Variants in EHMT1 observed in about 807,000 individuals in gnomAD.
EHMT1 encodes the protein euchromatic histone lysine methyltransferase 1.
A neutral mutation model predicts 147.2 loss-of-function variants in EHMT1; 15 were observed. That is an observed-to-expected ratio of 0.10 (90% CI 0.07 to 0.16). The LOEUF (loss-of-function observed/expected upper bound fraction) is 0.16, where lower values mean the gene tolerates loss of function less well. Ranked by LOEUF, EHMT1 falls within the 10% of genes least tolerant of loss-of-function variation. The pLI, the probability that EHMT1 is intolerant of heterozygous loss-of-function variation, is 1.00. For missense variants in EHMT1, 1,587 were observed against 1,772.4 expected, an observed-to-expected ratio of 0.90 and a Z score of 1.88; for synonymous variants, 795 against 709.6, an observed-to-expected ratio of 1.12 and a Z score of -1.91.
intron 1 of EHMT1, among the ~76,000 whole-genome samples, chr9:137,656,601 G>T (rs1938474531): frequency 6.6e-6 from 1 of 152,140 alleles, no homozygotes; most frequent in South Asian, 2.1e-4. Context: ...CTGGGCCTGT[G>T]CTGTGGACTG....
chr9:137,735,305 T>C (rs1947437253), intron 4 of EHMT1, among the ~76,000 whole-genome samples: 1 of 152,220 alleles, frequency 6.6e-6, no homozygotes, highest in Non-Finnish European at 1.5e-5. Flanking sequence ...GTTACTGAAG[T>C]TAAGCTGGCA....
intron 2 of EHMT1, among the ~76,000 whole-genome samples, chr9:137,713,304 C>T (rs947704493): frequency 3.5e-4 from 47 of 133,122 alleles, no homozygotes; most frequent in African/African-American, 1.2e-3. Flanking sequence ...GAGTCTTGCT[C>T]TGTCACCCGG....
In EHMT1 at chr9:137,824,088, C is replaced by CT. The variant is rs112157311; in HGVS notation, c.3540+5959dup. Among the ~76,000 whole-genome samples the CT allele has an allele frequency of 1.2e-4, 18 of 151,512 alleles. No homozygotes were observed. In the South Asian group the frequency reaches 1.5e-3, roughly 12 times the overall value. On this transcript the variant is annotated intron_variant, in intron 25 of 26. Transcript: ENST00000460843. ...ATCCCAGGATTGTGAAGATTTTCTC[C>CT]TTTTTTTTTAGAAGTCTTATGTAAA...
At position 137,835,079 on chromosome 9, in the gene EHMT1, G is replaced by T. The variant is rs1342223807; in HGVS notation, c.*126G>T. ...GGGGCTGCGCCGCCGGCTTCCTGGA[G>T]GGGTCGGAGGTGAGGCTGCAGCCCC... is the stretch of plus-strand genomic sequence containing the variant. On this transcript the variant is annotated 3_prime_UTR_variant, in exon 27 of 27. Coordinates refer to ENST00000460843, the MANE Select transcript of EHMT1 (RefSeq NM_024757.5). The T allele has an allele frequency of 8.6e-7, 1 of 1,160,610 alleles. No individual in the cohort carries two copies. Among genetic ancestry groups the T allele is most frequent in the South Asian group, 2.1e-5 (1 of 48,340 alleles). 71.9% of individuals were successfully genotyped at this position (1,160,610 alleles called of 1,614,324 possible).
intron 1 of EHMT1, among the ~76,000 whole-genome samples, chr9:137,645,721 T>G (rs2133876428): frequency 6.6e-6 from 1 of 152,194 alleles, no homozygotes; most frequent in Admixed American, 6.5e-5. Context: ...CTTGCAGCGC[T>G]GAGTGGAGAG....
chr9:137,674,273 C>T lies in EHMT1; in HGVS notation c.22-36694C>T, dbSNP rs78557839. ...GCCTCCTGAAGGCCAACCTCTCCAT[C>T]GAGCCCTGTTCTGAGACCAAATTCC... On this transcript the variant is annotated intron_variant, in intron 1 of 26. Transcript: ENST00000460843. Among the ~76,000 whole-genome samples, 515 of 152,330 alleles carry T rather than the reference C, an allele frequency of 3.4e-3. 5 individuals carry two copies. Among genetic ancestry groups the T allele is most frequent in the African/African-American group, 0.012 (489 of 41,572 alleles).
At chr9:137,748,130 A>C (rs560019846) in intron 6 of EHMT1, among the ~76,000 whole-genome samples, 12 of 151,934 alleles carry the variant, frequency 7.9e-5, no homozygotes, top group Non-Finnish European at 1.3e-4. Flanking sequence ...GCAGATCAAA[A>C]CTGTTATCAT....
At chr9:137,632,222 T>C (rs914436474) in intron 1 of EHMT1, among the ~76,000 whole-genome samples, 1 of 152,224 alleles carries the variant, frequency 6.6e-6, no homozygotes. Flanking sequence ...GTTCGATGAC[T>C]TTACCATGTA....
intron 4 of EHMT1, among the ~76,000 whole-genome samples, chr9:137,733,815 G>A (rs1392900853): frequency 6.6e-6 from 1 of 152,114 alleles, no homozygotes; most frequent in Admixed American, 6.6e-5. Flanking sequence ...ATATTCAGAA[G>A]CAACTGTGTA....
At chr9:137,823,805 G>T (rs970132587) in intron 25 of EHMT1, among the ~76,000 whole-genome samples, 1 of 152,016 alleles carries the variant, frequency 6.6e-6, no homozygotes, top group Admixed American at 6.6e-5. Context: ...TGACCCACCC[G>T]CCTCAGCCTC....
At chr9:137,680,636 G>A (rs1941848531) in intron 1 of EHMT1, among the ~76,000 whole-genome samples, 1 of 152,210 alleles carries the variant, frequency 6.6e-6, no homozygotes, top group South Asian at 2.1e-4. Context: ...AGATGGTCCT[G>A]CACCATGTTT....
At chr9:137,628,898 T>G (rs940228786) in intron 1 of EHMT1, among the ~76,000 whole-genome samples, 5 of 152,200 alleles carry the variant, frequency 3.3e-5, no homozygotes, top group Non-Finnish European at 7.3e-5. Context: ...GACCACATTT[T>G]ATTGAGTTTT....
At chr9:137,830,606 CAGCT>C (rs956195711) in intron 25 of EHMT1, among the ~76,000 whole-genome samples, 16 of 152,104 alleles carry the variant, frequency 1.1e-4, no homozygotes, top group African/African-American at 3.6e-4. Context: ...AGCACCAGTC[CAGCT>C]CCCGGATGGC....
chr9:137,793,876 G>C (rs1245691668), intron 16 of EHMT1, among the ~76,000 whole-genome samples: 2 of 152,164 alleles, frequency 1.3e-5, no homozygotes, highest in African/African-American at 4.8e-5. Context: ...AGATTCCCTG[G>C]GGCTGGGGGA....
At chr9:137,708,101 T>C (rs1265603220) in intron 1 of EHMT1, among the ~76,000 whole-genome samples, 1 of 152,258 alleles carries the variant, frequency 6.6e-6, no homozygotes, top group Non-Finnish European at 1.5e-5. Flanking sequence ...TTTATTTACA[T>C]GTTAGGGAAT....
chr9:137,710,132 C>T, intron 1 of EHMT1, among the ~76,000 whole-genome samples: 1 of 151,336 alleles, frequency 6.6e-6, no homozygotes, highest in African/African-American at 2.4e-5. Context: ...AGACTCTAAG[C>T]TTCTTGAAGG....
At chr9:137,684,652 C>A (rs377245930) in intron 1 of EHMT1, among the ~76,000 whole-genome samples, 4 of 151,880 alleles carry the variant, frequency 2.6e-5, no homozygotes, top group Non-Finnish European at 1.5e-5. Flanking sequence ...CCATTAGGCC[C>A]GGCTAATTTT....
intron 1 of EHMT1, among the ~76,000 whole-genome samples, chr9:137,676,951 C>T (rs1349691139): frequency 1.3e-5 from 2 of 152,032 alleles, no homozygotes; most frequent in Non-Finnish European, 2.9e-5. Flanking sequence ...TGTGTCCTGT[C>T]CTCATGTCTA....
intron 22 of EHMT1, chr9:137,814,871 A>T (rs1451305363): frequency 1.6e-5 from 7 of 424,688 alleles, no homozygotes; most frequent in African/African-American, 1.4e-4. Flanking sequence ...GTGAAGAGGG[A>T]GGGTGCTGCC....
Sources: gnomAD v4.1 joint callset for allele counts (sites outside exome capture counted in the v4.1 genomes callset) on GRCh38, gnomAD v4.1.1 for gene constraint, MANE v1.5 for transcripts, NCBI Gene and HGNC (gene_info 2026-07-23, HGNC 2026-07-21) for gene names.